Variants in WDFY2 observed in about 807,000 individuals in gnomAD.
WDFY2 encodes the protein WD repeat and FYVE domain containing 2, also known as WD repeat and FYVE domain-containing protein 2.
Under a neutral mutation model 56.4 loss-of-function variants are expected in WDFY2, and 36 were observed. The ratio of observed to expected loss-of-function variants is 0.64; its 90% CI spans 0.49 to 0.84. The LOEUF is 0.84. Ranked by LOEUF, WDFY2 falls within the 40% of genes least tolerant of loss-of-function variation. WDFY2 has a pLI of 0.00. For missense variants in WDFY2, 444 were observed against 512.2 expected, an observed-to-expected ratio of 0.87 and a Z score of 1.29; for synonymous variants, 176 against 183.7, an observed-to-expected ratio of 0.96 and a Z score of 0.34.
rs1321668336 is a variant in WDFY2 at position 51,767,028 on chromosome 13, T to TGTAA, written c.*7262_*7265dup. On this transcript the variant is annotated 3_prime_UTR_variant, in exon 12 of 12. Coordinates refer to ENST00000298125, the MANE Select transcript of WDFY2 (RefSeq NM_052950.4). ...GCCATGGAGCCCTTTTCCTTCATCA[T>TGTAA]GTAAGTCAGCTTTTTCTTGTGCTTA... is the stretch of plus-strand genomic sequence containing the variant. 5.3e-5 allele frequency: 8 copies of TGTAA among 152,378 alleles called. No homozygotes were observed. The East Asian group carries it at 7.7e-4, about 15-fold the overall frequency. 9.4% of individuals were successfully genotyped at this position (152,378 alleles called of 1,614,324 possible). A position where few individuals can be genotyped will look rare whatever the true frequency, so the allele number is the denominator to read the frequency against.
intron 1 of WDFY2, among the ~76,000 whole-genome samples, chr13:51,659,218 C>T (rs1053068031): frequency 8.5e-5 from 13 of 152,168 alleles, no homozygotes; most frequent in African/African-American, 2.2e-4. Context: ...TGAGCCACCG[C>T]GCACAGCCTG....
intron 3 of WDFY2, among the ~76,000 whole-genome samples, chr13:51,677,231 C>T (rs1955903773): frequency 6.6e-6 from 1 of 152,172 alleles, no homozygotes; most frequent in Non-Finnish European, 1.5e-5. Context: ...TAACTTACTC[C>T]AGTCTTCTGA....
rs548340740 is a variant in WDFY2 at position 51,678,657 on chromosome 13, A to G, written c.279+3414A>G. ...ATGTCTCATGTATTCTAGCCAACTA[A>G]CAAATATTTAAATATCAACTCTGTA... On this transcript the variant is annotated intron_variant, in intron 3 of 11. Transcript: ENST00000298125. Among the ~76,000 whole-genome samples the G allele has an allele frequency of 1.3e-4, 20 of 152,330 alleles. No individual in the cohort carries two copies. In the South Asian group the frequency reaches 3.7e-3, roughly 28 times the overall value.
At chr13:51,718,064 C>A (rs1433204681) in intron 4 of WDFY2, among the ~76,000 whole-genome samples, 1 of 152,146 alleles carries the variant, frequency 6.6e-6, no homozygotes, top group African/African-American at 2.4e-5. Flanking sequence ...CAGAAATTGG[C>A]AGATGGTATT....
intron 4 of WDFY2, among the ~76,000 whole-genome samples, chr13:51,717,199 A>G (rs1952372809): frequency 6.6e-6 from 1 of 152,212 alleles, no homozygotes; most frequent in African/African-American, 2.4e-5. Context: ...GAATTTCTGA[A>G]GCTTAGTGAT....
chr13:51,747,822 C>T (rs945879186), intron 7 of WDFY2, among the ~76,000 whole-genome samples: 10 of 152,322 alleles, frequency 6.6e-5, no homozygotes, highest in African/African-American at 2.4e-4. Context: ...TGAGCCACTG[C>T]GCCTCACCAC....
At chr13:51,710,326 A>G (rs932394781) in intron 4 of WDFY2, among the ~76,000 whole-genome samples, 1 of 152,154 alleles carries the variant, frequency 6.6e-6, no homozygotes, top group Non-Finnish European at 1.5e-5. Context: ...CCCACAGCCA[A>G]TATCATACTG....
intron 4 of WDFY2, among the ~76,000 whole-genome samples, chr13:51,706,802 A>T (rs568233199): frequency 6.6e-6 from 1 of 152,206 alleles, no homozygotes; most frequent in Non-Finnish European, 1.5e-5. Context: ...CTTAAGATGA[A>T]TTCTTCATTT....
chr13:51,733,873 T>C (rs1042895329), intron 6 of WDFY2, among the ~76,000 whole-genome samples: 5 of 152,136 alleles, frequency 3.3e-5, no homozygotes, highest in Non-Finnish European at 7.4e-5. Flanking sequence ...AGCACTGTGC[T>C]TGAACTGAAC....
chr13:51,644,744 A>G (rs1246135951), intron 1 of WDFY2, among the ~76,000 whole-genome samples: 3 of 152,214 alleles, frequency 2.0e-5, no homozygotes, highest in Non-Finnish European at 4.4e-5. Flanking sequence ...ATGATTCAGC[A>G]AAGTTATTTG....
chr13:51,724,524 A>G (rs1376146885), intron 5 of WDFY2, among the ~76,000 whole-genome samples: 2 of 152,244 alleles, frequency 1.3e-5, no homozygotes, highest in Non-Finnish European at 2.9e-5. Context: ...GGCGTGAGCC[A>G]TCGCACCCAG....
chr13:51,710,762 CA>C (rs1449976897), intron 4 of WDFY2, among the ~76,000 whole-genome samples: 2 of 152,158 alleles, frequency 1.3e-5, no homozygotes, highest in African/African-American at 4.8e-5. Flanking sequence ...AGGAGAACTA[CA>C]AACCACTGCT....
rs147850218 is a variant in WDFY2, at chr13:51,688,203, C to T, written c.279+12960C>T. Among the ~76,000 whole-genome samples the T allele has an allele frequency of 3.0e-3, 451 of 152,294 alleles. 3 individuals are homozygous for T. Among genetic ancestry groups the T allele is most frequent in the African/African-American group, 0.01 (421 of 41,554 alleles). ...CGGTGTCCATGCCAACCATTTGGTC[C>T]TGCTTCCAGGTGTCAGACTTGGGTA... On this transcript the variant is annotated intron_variant, in intron 3 of 11. Transcript: ENST00000298125.
At chr13:51,696,566 C>A (rs1951880855) in intron 3 of WDFY2, among the ~76,000 whole-genome samples, 1 of 152,038 alleles carries the variant, frequency 6.6e-6, no homozygotes. Flanking sequence ...TAAAGATGAC[C>A]ACAAGTCAGT....
At chr13:51,700,330 T>TA (rs892019803) in intron 3 of WDFY2, among the ~76,000 whole-genome samples, 1 of 151,942 alleles carries the variant, frequency 6.6e-6, no homozygotes, top group Non-Finnish European at 1.5e-5. Flanking sequence ...ATAGAAATAA[T>TA]AAAAAAAGAA....
At chr13:51,719,112 A>G in intron 4 of WDFY2, 86 bp from the exon 5 acceptor site, 4 of 1,566,356 alleles carry the variant, frequency 2.6e-6, no homozygotes, top group Non-Finnish European at 3.5e-6. Flanking sequence ...GGGTGGGGAG[A>G]AGAGAATGGT....
At chr13:51,630,105 A>G (rs1031728321) in intron 1 of WDFY2, among the ~76,000 whole-genome samples, 1 of 152,166 alleles carries the variant, frequency 6.6e-6, no homozygotes, top group African/African-American at 2.4e-5. Flanking sequence ...AGCCTTAGCC[A>G]TTAAAGACAT....
At chr13:51,651,969 C>T (rs1422425681) in intron 1 of WDFY2, among the ~76,000 whole-genome samples, 1 of 152,132 alleles carries the variant, frequency 6.6e-6, no homozygotes, top group African/African-American at 2.4e-5. Flanking sequence ...AACTTTCTGT[C>T]TCGTTGATCT....
At chr13:51,656,345 G>A (rs573155394) in intron 1 of WDFY2, among the ~76,000 whole-genome samples, 58 of 151,892 alleles carry the variant, frequency 3.8e-4, no homozygotes, top group South Asian at 1.0e-3. Context: ...TCCTTTATAC[G>A]TGGAGAAGAT....
Sources: gnomAD v4.1 joint callset for allele counts (sites outside exome capture counted in the v4.1 genomes callset) on GRCh38, gnomAD v4.1.1 for gene constraint, MANE v1.5 for transcripts, NCBI Gene and HGNC (gene_info 2026-07-23, HGNC 2026-07-21) for gene names.